ERCC6L2: variants seen among roughly 807,000 people sequenced by gnomAD.
ERCC6L2 encodes the protein ERCC excision repair 6 like 2, also known as DNA excision repair protein ERCC-6-like 2.
In ERCC6L2, 77 loss-of-function variants were observed where a neutral mutation model predicts 132.0. The ratio of observed to expected loss-of-function variants is 0.58; its 90% CI spans 0.49 to 0.71. The LOEUF (loss-of-function observed/expected upper bound fraction) is 0.71. ERCC6L2 is among the 30% of genes least tolerant of loss of function. The pLI is 0.00. For synonymous variants in ERCC6L2, 583 were observed against 632.4 expected (o/e 0.92, Z 1.17); for missense variants, 1,542 against 1,837.6 (o/e 0.84, Z 2.94).
At chr9:96,019,390 C>T (rs1834245702), downstream of ERCC6L2, among the ~76,000 whole-genome samples, 1 of 152,212 alleles carries the variant, frequency 6.6e-6, no homozygotes, top group African/African-American at 2.4e-5. Flanking sequence ...CAGTGTTCAG[C>T]TTTCTCTTCC....
intron 11 of ERCC6L2, 116 bp downstream of exon 11, chr9:95,928,980 A>G: frequency 1.4e-6 from 1 of 714,988 alleles, no homozygotes; most frequent in Non-Finnish European, 2.1e-6. Context: ...TAGAAGCAGC[A>G]AAAATACTAT....
chr9:96,004,511 T>G lies in ERCC6L2; in HGVS notation c.3493-9T>G. 1 of 1,292,186 alleles carries G rather than the reference T, an allele frequency of 7.7e-7. No homozygotes were observed. Among genetic ancestry groups the G allele is most frequent in the Middle Eastern group, 2.2e-4 (1 of 4,628 alleles). The allele number at this position is 1,292,186 out of a possible 1,614,324, so 80.0% of individuals were successfully genotyped here. On this transcript the variant is annotated splice_polypyrimidine_tract_variant and intron_variant, in intron 17 of 18. Transcript: ENST00000653738. The stretch of plus-strand genomic sequence containing the variant: ...CAGACATAGCTTTTGTTTCCTTTCT[T>G]TTTTTCAGACATATAAAGAAAAAGT...
chr9:96,040,008 CA>C (rs1189516039), intron 20 of ERCC6L2, among the ~76,000 whole-genome samples: 5 of 151,288 alleles, frequency 3.3e-5, no homozygotes, highest in Non-Finnish European at 5.9e-5. Context: ...CACTCGAGGC[CA>C]GGAGTTCAAG....
chr9:96,026,479 G>A (rs78566778), intron 19 of ERCC6L2, among the ~76,000 whole-genome samples: 2 of 151,976 alleles, frequency 1.3e-5, no homozygotes, highest in Non-Finnish European at 2.9e-5. Flanking sequence ...TGGGTCAGCT[G>A]GTCCCCACTG....
At chr9:95,994,414 C>G (rs941471361) in intron 17 of ERCC6L2, among the ~76,000 whole-genome samples, 1 of 152,152 alleles carries the variant, frequency 6.6e-6, no homozygotes, top group African/African-American at 2.4e-5. Context: ...ACTTATCAGG[C>G]CTAATCATCT....
At chr9:95,889,734 A>C (rs542598390) in intron 2 of ERCC6L2, among the ~76,000 whole-genome samples, 1 of 152,314 alleles carries the variant, frequency 6.6e-6, no homozygotes, top group Admixed American at 6.5e-5. Flanking sequence ...AAAGGTAGTT[A>C]GAACCCAAAA....
chr9:95,918,509 A>C, intron 6 of ERCC6L2: 1 of 500,110 alleles, frequency 2.0e-6, no homozygotes, highest in Non-Finnish European at 4.0e-6. Context: ...AAGTTACAAC[A>C]TACCTACTTG....
At chr9:95,909,293 A>G (rs1443528949) in intron 4 of ERCC6L2, among the ~76,000 whole-genome samples, 1 of 152,130 alleles carries the variant, frequency 6.6e-6, no homozygotes, top group East Asian at 1.9e-4. Flanking sequence ...TGTAAAAACT[A>G]TTCTTAGCTT....
At chr9:95,933,015 GC>G in intron 11 of ERCC6L2, among the ~76,000 whole-genome samples, 1 of 152,246 alleles carries the variant, frequency 6.6e-6, no homozygotes, top group Non-Finnish European at 1.5e-5. Context: ...AGAGTCTAGG[GC>G]CTTTTTCTTC....
At chr9:96,022,547 A>G (rs1318511441), downstream of ERCC6L2, among the ~76,000 whole-genome samples, 4 of 152,290 alleles carry the variant, frequency 2.6e-5, 1 homozygote, top group East Asian at 7.7e-4. Flanking sequence ...CGTCAGCCCC[A>G]CGCCGAGTTT....
rs991208359 is a variant in ERCC6L2 at position 96,016,916 on chromosome 9, G to A, written c.*3713G>A. ...GCCTTAAAGGTTTTTTTGTGTGTTT[G>A]TTTGTTTGTTTGTTTGCATGTGAAG... On this transcript the variant is annotated 3_prime_UTR_variant, in exon 19 of 19. Coordinates refer to ENST00000653738, the MANE Select transcript of ERCC6L2 (RefSeq NM_020207.7). Among the ~76,000 whole-genome samples, 2 of 152,070 alleles carry A rather than the reference G, an allele frequency of 1.3e-5. No homozygotes were observed. Among genetic ancestry groups the A allele is most frequent in the African/African-American group, 4.8e-5 (2 of 41,412 alleles).
intron 6 of ERCC6L2, among the ~76,000 whole-genome samples, chr9:95,917,260 A>G (rs1260006294): frequency 2.0e-5 from 3 of 152,202 alleles, no homozygotes; most frequent in Non-Finnish European, 4.4e-5. Context: ...GTTCAAGAAA[A>G]TATGAGGAGT....
chr9:95,988,499 G>A (rs1039457735), intron 17 of ERCC6L2, among the ~76,000 whole-genome samples: 4 of 152,168 alleles, frequency 2.6e-5, no homozygotes, highest in East Asian at 1.9e-4. Flanking sequence ...TTGGAAAGCC[G>A]TATCCCACTA....
At chr9:96,032,489 C>T (rs73654819) in intron 19 of ERCC6L2, among the ~76,000 whole-genome samples, 6,104 of 152,292 alleles carry the variant, frequency 0.04, 423 homozygotes, top group African/African-American at 0.14. Flanking sequence ...ACCTTTGCCT[C>T]GATCCAGAGT....
chr9:95,882,050 T>G (rs1345832734), intron 2 of ERCC6L2, among the ~76,000 whole-genome samples: 1 of 152,164 alleles, frequency 6.6e-6, no homozygotes, highest in African/African-American at 2.4e-5. Context: ...CAGTTCCTTG[T>G]GGGTTCTTGG....
intron 4 of ERCC6L2, among the ~76,000 whole-genome samples, chr9:95,912,093 A>G (rs1448889984): frequency 1.3e-5 from 2 of 152,224 alleles, no homozygotes; most frequent in Non-Finnish European, 2.9e-5. Flanking sequence ...ACATGACTCC[A>G]ATTTCCAGAG....
chr9:95,968,529 T>C (rs1187751449), intron 14 of ERCC6L2: 1 of 152,158 alleles, frequency 6.6e-6, no homozygotes, highest in African/African-American at 2.4e-5. Flanking sequence ...ATAATGGGAG[T>C]ACCTATCATA....
Position 95,972,241 on chromosome 9 carries a change from A to G in ERCC6L2, c.2490A>G (p.Glu830=). ...AGCAGCCCACATGCCTTTCAACAGA[A>G]GCCAAAGATGCTGGTTGTGAGAAAA... ...SDEQPTCLST[E]AKDAGCEKNQ... is the part of the protein sequence containing the mutation. Residue 830 remains glutamate, a synonymous_variant, in exon 16 of 19, where the codon GAA becomes GAG. Transcript: ENST00000653738. 7.7e-7 allele frequency: 1 copy of G among 1,304,254 alleles called. No individual in the cohort carries two copies. The highest frequency in any genetic ancestry group is 1.0e-6 in the Non-Finnish European group (1 of 988,940). 80.8% of individuals were successfully genotyped at this position (1,304,254 alleles called of 1,614,324 possible). A position where few individuals can be genotyped will look rare whatever the true frequency, so the allele number is the denominator to read the frequency against.
At chr9:95,983,624 G>A (rs752710107) in intron 17 of ERCC6L2, among the ~76,000 whole-genome samples, 2 of 152,048 alleles carry the variant, frequency 1.3e-5, no homozygotes, top group African/African-American at 2.4e-5. Flanking sequence ...AGTATCAATT[G>A]GACATGGCCC....
Sources: allele counts gnomAD v4.1 joint callset (sites outside exome capture counted in the v4.1 genomes callset), GRCh38; gene constraint gnomAD v4.1.1; transcripts MANE v1.5; gene names NCBI Gene and HGNC (gene_info 2026-07-23, HGNC 2026-07-21).